MTHFD2L: variants seen among roughly 807,000 people sequenced by gnomAD.
The protein encoded by MTHFD2L is bifunctional methylenetetrahydrofolate dehydrogenase/cyclohydrolase 2, mitochondrial.
A neutral mutation model predicts 34.9 loss-of-function variants in MTHFD2L; 29 were observed. The ratio of observed to expected loss-of-function variants is 0.83; its 90% CI spans 0.62 to 1.13. The LOEUF (loss-of-function observed/expected upper bound fraction) is 1.13. Among genes scored for constraint, MTHFD2L ranks in the 50% most tolerant of loss-of-function variants. The probability of loss-of-function intolerance (pLI) is 0.00; values close to 1 mark genes in which losing one functional copy is unlikely to be tolerated. For missense variants in MTHFD2L, 481 were observed against 446.5 expected (o/e 1.08, Z -0.70); for synonymous variants, 167 against 155.7 (o/e 1.07, Z -0.54).
intron 3 of MTHFD2L, chr4:74,194,408 A>G (rs1022204331): frequency 6.6e-6 from 1 of 152,000 alleles, no homozygotes. Context: ...TAAGCTATCT[A>G]CTTTCCTCTA....
At chr4:74,144,748 T>C (rs1029460628) in intron 1 of MTHFD2L, among the ~76,000 whole-genome samples, 8 of 152,220 alleles carry the variant, frequency 5.3e-5, no homozygotes, top group African/African-American at 1.9e-4. Context: ...GGCTTTGTTT[T>C]TTCTCTGTAC....
At chr4:74,291,587 T>C (rs16850857) in intron 7 of MTHFD2L, among the ~76,000 whole-genome samples, 2 of 152,208 alleles carry the variant, frequency 1.3e-5, no homozygotes, top group Non-Finnish European at 2.9e-5. Context: ...TGCTTCATAC[T>C]AGGCACTATT....
chr4:74,132,316 T>C (rs1722578971), intron 1 of MTHFD2L, among the ~76,000 whole-genome samples: 1 of 152,046 alleles, frequency 6.6e-6, no homozygotes, highest in Non-Finnish European at 1.5e-5. Flanking sequence ...ACTATAGCAA[T>C]AGCAAAGATG....
intron 3 of MTHFD2L, among the ~76,000 whole-genome samples, chr4:74,187,516 A>G (rs1731522241): frequency 6.6e-6 from 1 of 152,242 alleles, no homozygotes; most frequent in Admixed American, 6.5e-5. Context: ...ATAGATGTTC[A>G]ACATCATTAG....
chr4:74,213,832 T>TC (rs1736741078), intron 5 of MTHFD2L, among the ~76,000 whole-genome samples: 1 of 152,208 alleles, frequency 6.6e-6, no homozygotes, highest in Non-Finnish European at 1.5e-5. Flanking sequence ...CCCTGTCACT[T>TC]TTAGGTACAC....
At position 74,225,410 on chromosome 4, in the gene MTHFD2L, C is replaced by T. The variant is rs762868850; in HGVS notation, c.805+16C>T. On this transcript the variant is annotated intron_variant, in intron 6 of 7. Transcript: ENST00000325278. ...GTTGCTGCAGGTAAGTCCTTAGTGA[C>T]TGTTATTTTTTGGAATGTCATCAGC... 8 of 1,600,372 alleles carry T rather than the reference C, an allele frequency of 5.0e-6. No homozygotes were observed. Among genetic ancestry groups the T allele is most frequent in the South Asian group, 3.3e-5 (3 of 89,880 alleles).
At chr4:74,257,189 G>T (rs1744131648) in intron 6 of MTHFD2L, among the ~76,000 whole-genome samples, 2 of 151,980 alleles carry the variant, frequency 1.3e-5, no homozygotes, top group Non-Finnish European at 2.9e-5. Flanking sequence ...TTGTTTATAT[G>T]TATTTCTAGG....
intron 2 of MTHFD2L, among the ~76,000 whole-genome samples, chr4:74,115,981 G>C (rs1462094085): frequency 1.3e-5 from 2 of 152,068 alleles, no homozygotes; most frequent in Non-Finnish European, 2.9e-5. Flanking sequence ...TGTAATCAAA[G>C]ACCCTGTATT....
intron 3 of MTHFD2L, among the ~76,000 whole-genome samples, chr4:74,193,450 T>C (rs1560471424): frequency 6.6e-6 from 1 of 152,214 alleles, no homozygotes; most frequent in Non-Finnish European, 1.5e-5. Flanking sequence ...AATCTTCATA[T>C]ACATTTAAGA....
At chr4:74,157,848 T>C (rs1724425536), upstream of MTHFD2L, 1 of 601,176 alleles carries the variant, frequency 1.7e-6, no homozygotes. Flanking sequence ...GCCAGCTATA[T>C]GTTGGCTGGG....
intron 7 of MTHFD2L, among the ~76,000 whole-genome samples, chr4:74,282,703 A>G (rs1747658038): frequency 6.6e-6 from 1 of 152,144 alleles, no homozygotes. Context: ...AATGGTGTAA[A>G]TAAGAGCAAA....
chr4:74,234,059 T>C (rs1345738511), intron 6 of MTHFD2L, among the ~76,000 whole-genome samples: 1 of 152,204 alleles, frequency 6.6e-6, no homozygotes, highest in East Asian at 1.9e-4. Context: ...AATCACAGAC[T>C]TCCTTGGAAA....
chr4:74,236,120 C>T (rs1482560242), intron 6 of MTHFD2L, among the ~76,000 whole-genome samples: 1 of 152,124 alleles, frequency 6.6e-6, no homozygotes, highest in African/African-American at 2.4e-5. Flanking sequence ...TTGTGACCAT[C>T]TAATGCTCAG....
chr4:74,278,935 C>G (rs1747055484), intron 6 of MTHFD2L, among the ~76,000 whole-genome samples: 1 of 152,046 alleles, frequency 6.6e-6, no homozygotes, highest in Non-Finnish European at 1.5e-5. Context: ...CTTACAAATG[C>G]ATTGGTCGAC....
chr4:74,195,442 G>A (rs944323128), intron 3 of MTHFD2L: 1 of 152,190 alleles, frequency 6.6e-6, no homozygotes, highest in Non-Finnish European at 1.5e-5. Flanking sequence ...AAGTAGAGTA[G>A]TATCATGAAC....
intron 3 of MTHFD2L, 52 bp downstream of exon 3, chr4:74,175,455 G>A (rs774405924): frequency 1.3e-6 from 2 of 1,547,954 alleles, no homozygotes; most frequent in Non-Finnish European, 1.7e-6. Flanking sequence ...GAAACAAAGG[G>A]CATCTTTCAA....
intron 5 of MTHFD2L, among the ~76,000 whole-genome samples, chr4:74,222,146 T>C (rs931391766): frequency 6.6e-6 from 1 of 152,102 alleles, no homozygotes; most frequent in Admixed American, 6.6e-5. Context: ...AACTTTCTCA[T>C]CTTTGCCCTT....
intron 3 of MTHFD2L, 117 bp from the exon 4 acceptor site, chr4:74,199,677 T>C: frequency 1.2e-6 from 1 of 807,644 alleles, no homozygotes; most frequent in Admixed American, 2.9e-5. Context: ...ATAATGACTT[T>C]ACACCTTTTT....
At chr4:74,255,191 A>T (rs1348487377) in intron 6 of MTHFD2L, among the ~76,000 whole-genome samples, 1 of 151,824 alleles carries the variant, frequency 6.6e-6, no homozygotes, top group Non-Finnish European at 1.5e-5. Context: ...CAGTATAAAA[A>T]AATGTAAATT....
Sources: gnomAD v4.1 joint callset for allele counts (sites outside exome capture counted in the v4.1 genomes callset) on GRCh38, gnomAD v4.1.1 for gene constraint, MANE v1.5 for transcripts, NCBI Gene and HGNC (gene_info 2026-07-23, HGNC 2026-07-21) for gene names.